The following DTYMK variants were observed in gnomAD, a reference collection of about 807,000 sequenced individuals.
DTYMK encodes deoxythymidylate kinase, also known as thymidylate kinase.
In DTYMK, 20 loss-of-function variants were observed where a neutral mutation model predicts 20.3. The observed-to-expected ratio is 0.99, with a 90% CI of 0.69 to 1.43. The LOEUF is 1.43. Among genes scored for constraint, DTYMK ranks in the 40% most tolerant of loss-of-function variants. The pLI, the probability that DTYMK is intolerant of heterozygous loss-of-function variation, is 0.00. For missense variants in DTYMK, 320 were observed against 291.1 expected (o/e 1.10, Z -0.72); for synonymous variants, 148 against 124.4 (o/e 1.19, Z -1.27).
At chr2:241,683,433 AT>A (rs555211865) in intron 2 of DTYMK, among the ~76,000 whole-genome samples, 1,820 of 149,076 alleles carry the variant, frequency 0.012, 22 homozygotes, top group African/African-American at 0.018. Flanking sequence ...ACGTTACGAG[AT>A]TTTTTTTTTT....
intron 2 of DTYMK, chr2:241,684,577 A>G (rs917997031): frequency 5.5e-5 from 20 of 365,638 alleles, no homozygotes; most frequent in South Asian, 2.7e-4. Flanking sequence ...AAGTGCAGAA[A>G]TCTGTAAGGC....
intron 2 of DTYMK, among the ~76,000 whole-genome samples, chr2:241,683,560 T>C (rs550922960): frequency 6.6e-6 from 1 of 152,170 alleles, no homozygotes; most frequent in African/African-American, 2.4e-5. Context: ...TCACAAAAAT[T>C]AATAGTCTTA....
intron 3 of DTYMK, 24 bp downstream of exon 3, chr2:241,680,205 G>A: frequency 1.2e-6 from 2 of 1,612,986 alleles, no homozygotes; most frequent in Non-Finnish European, 1.7e-6. Flanking sequence ...GTGCTCGCCT[G>A]ACAGGAGGCC....
At chr2:241,685,003 G>A (rs1360106166) in intron 2 of DTYMK, 8 of 213,068 alleles carry the variant, frequency 3.8e-5, no homozygotes, top group Middle Eastern at 1.9e-3. Flanking sequence ...CAGCCTGGGC[G>A]TGATATGGTG....
In DTYMK at chr2:241,686,790, C is replaced by T. The variant is rs754840879; in HGVS notation, c.-7G>A. 9.0e-6 allele frequency: 13 copies of T among 1,446,108 alleles called. No individual in the cohort carries two copies. The highest frequency in any genetic ancestry group is 6.3e-6 in the Non-Finnish European group (7 of 1,112,438). 89.6% of individuals were successfully genotyped at this position (1,446,108 alleles called of 1,614,324 possible). ...CCCCGCGCCGGGCCGCCATGACTGT[C>T]CACCGCCCGCCGCTGGCGTCTCCAC... On this transcript the variant is annotated 5_prime_UTR_variant, in exon 1 of 5. Coordinates refer to ENST00000305784, the MANE Select transcript of DTYMK (RefSeq NM_012145.4).
chr2:241,685,767 A>G lies in DTYMK; in HGVS notation c.239+2T>C. 1.2e-6 allele frequency: 2 copies of G among 1,613,836 alleles called. No individual in the cohort carries two copies. Among genetic ancestry groups the G allele is most frequent in the Non-Finnish European group, 1.7e-6 (2 of 1,179,720 alleles). The stretch of plus-strand genomic sequence containing the variant: ...GAGGGAGCAGTGTGCAATGGTTTTT[A>G]CACTTGTTCCCAGCGATTTGCAGAA... On this transcript the variant is annotated splice_donor_variant, in intron 2 of 4. Transcript: ENST00000305784. LOFTEE classifies it high-confidence loss of function.
intron 2 of DTYMK, chr2:241,685,228 G>C (rs970673346): frequency 6.5e-6 from 1 of 153,310 alleles, no homozygotes; most frequent in African/African-American, 2.4e-5. Context: ...GGCCAGGTAC[G>C]GTGGCTCACA....
rs1382330237 is a variant in DTYMK at position 241,686,719 on chromosome 2, T to C, written c.65A>G (p.Gln22Arg). Residue 22 changes from glutamine to arginine, a missense_variant, in exon 1 of 5, where the codon CAG becomes CGG. Physicochemically the swap from Gln to Arg is conservative, Grantham distance 43 (BLOSUM62 1). Transcript: ENST00000305784. ...EGVDRAGKST[Q>R]SRKLVEALCA... ...CAGCGCTTCCACCAGCTTGCGGCTC[T>C]GCGTGCTCTTCCCGGCGCGGTCCAC... 2 of 1,544,976 alleles carry C rather than the reference T, an allele frequency of 1.3e-6. No homozygotes were observed. Among genetic ancestry groups the C allele is most frequent in the Non-Finnish European group, 1.7e-6 (2 of 1,158,488 alleles).
Position 241,686,603 on chromosome 2 carries a change from G to A in DTYMK, c.130+51C>T. On this transcript the variant is annotated intron_variant, in intron 1 of 4. Transcript: ENST00000305784. ...ACGAAGCGGAGCAAAGAGCCCCTGG[G>A]AAGGCAGAGGCACCGAAGGCCGCGG... 3 of 1,444,670 alleles carry A rather than the reference G, an allele frequency of 2.1e-6. No individual in the cohort carries two copies. In the African/African-American group the frequency reaches 4.5e-5, roughly 21 times the overall value. The allele number at this position is 1,444,670 out of a possible 1,614,324, so 89.5% of individuals were successfully genotyped here. A position where few individuals can be genotyped will look rare whatever the true frequency, so the allele number is the denominator to read the frequency against.
chr2:241,686,627 G>T, intron 1 of DTYMK, 27 bp downstream of exon 1: 1 of 1,479,708 alleles, frequency 6.8e-7, no homozygotes, highest in East Asian at 2.6e-5. Flanking sequence ...CGAAGGCCGC[G>T]GCGCACCCCC....
At position 241,680,228 on chromosome 2, in the gene DTYMK, C is replaced by A. The variant is rs1171792814; in HGVS notation, c.330+1G>T. 2 of 1,613,986 alleles carry A rather than the reference C, an allele frequency of 1.2e-6. No individual in the cohort carries two copies. The highest frequency in any genetic ancestry group is 1.7e-5 in the Admixed American group (1 of 59,988). ...CTGACAGGAGGCCAAGTGGCACTCA[C>A]CTCCTTGGCACCGGTGAAGGCCACA... On this transcript the variant is annotated splice_donor_variant, in intron 3 of 4. Coordinates refer to ENST00000305784, the MANE Select transcript of DTYMK (RefSeq NM_012145.4). LOFTEE classifies it high-confidence loss of function.
rs980270914 is a variant in DTYMK at position 241,675,992 on chromosome 2, G to A, written c.*135C>T. The A allele has an allele frequency of 1.6e-5, 14 of 857,694 alleles. No homozygotes were observed. The African/African-American group carries it at 1.7e-4, about 11-fold the overall frequency. 53.1% of individuals were successfully genotyped at this position (857,694 alleles called of 1,614,324 possible). A position where few individuals can be genotyped will look rare whatever the true frequency, so the allele number is the denominator to read the frequency against. On this transcript the variant is annotated 3_prime_UTR_variant, in exon 5 of 5. Transcript: ENST00000305784. ...CCCCAGCTCCGGGGCAGAAGAGGCA[G>A]CCTGCAGATCTCTGCTGCCGGGAAA...
rs201737790 is a variant in DTYMK, at chr2:241,677,913, C to T, written c.528+539G>A. ...GGGGCTGAGGATGTGGAGGATTGCG[C>T]AGACTCTCACCTGACCCACCAGACA... On this transcript the variant is annotated intron_variant, in intron 4 of 4. Transcript: ENST00000305784. 7.2e-5 allele frequency among the ~76,000 whole-genome samples: 11 copies of T among 152,226 alleles called. No homozygotes were observed. In the East Asian group the frequency reaches 1.7e-3, roughly 24 times the overall value.
chr2:241,685,597 G>A (rs1289714400), intron 2 of DTYMK, 172 bp downstream of exon 2: 7 of 595,716 alleles, frequency 1.2e-5, no homozygotes, highest in Admixed American at 9.0e-5. Context: ...ATTCATTAGC[G>A]CCCTTTGGGA....
chr2:241,676,298 G>C (rs1051799262), intron 4 of DTYMK, 61 bp from the exon 5 acceptor site: 2 of 1,486,280 alleles, frequency 1.3e-6, no homozygotes, highest in East Asian at 4.9e-5. Flanking sequence ...GGCTGGTCAC[G>C]GGAGCCCACG....
In DTYMK at chr2:241,675,987, A is replaced by G. The variant is rs1254610266; in HGVS notation, c.*140T>C. On this transcript the variant is annotated 3_prime_UTR_variant, in exon 5 of 5. Transcript: ENST00000305784. ...GTGCACCCCAGCTCCGGGGCAGAAGAGGCAGCCTGCAGATCTCTGCTGCCG... is the reference window on the plus strand; with the variant it reads ...GTGCACCCCAGCTCCGGGGCAGAAGGGGCAGCCTGCAGATCTCTGCTGCCG... 10 of 816,466 alleles carry G rather than the reference A, an allele frequency of 1.2e-5. No homozygotes were observed. The highest frequency in any genetic ancestry group is 1.8e-5 in the Non-Finnish European group (10 of 547,766). The allele number at this position is 816,466 out of a possible 1,614,324, so 50.6% of individuals were successfully genotyped here.
rs762971148 is a variant in DTYMK, at chr2:241,678,663, A to G, written c.331-14T>C. 9 of 1,613,734 alleles carry G rather than the reference A, an allele frequency of 5.6e-6. No individual in the cohort carries two copies. The South Asian group carries it at 9.9e-5, about 18-fold the overall frequency. On this transcript the variant is annotated splice_polypyrimidine_tract_variant and intron_variant, in intron 3 of 4. Transcript: ENST00000305784. ...TAGGGAAAAATTCTGCCAAGAAAGA[A>G]CCCAACAGTTAAAGCTTAGTGTAGT...
intron 2 of DTYMK, among the ~76,000 whole-genome samples, chr2:241,681,516 C>G (rs1308036269): frequency 6.6e-6 from 1 of 151,938 alleles, no homozygotes; most frequent in African/African-American, 2.4e-5. Context: ...ATAGTGAGAC[C>G]CCGTTCTCCA....
In DTYMK at chr2:241,675,881, AGGACAGG is replaced by A. The variant is rs2069100155; in HGVS notation, c.*239_*245del. ...TAAGAAAATACAACAGAGTGCCATC[AGGACAGG>A]GGAGAGGGCAGGAGACTGCTCCATC... On this transcript the variant is annotated 3_prime_UTR_variant, in exon 5 of 5. Transcript: ENST00000305784. The A allele has an allele frequency of 2.6e-6, 1 of 384,238 alleles. No individual in the cohort carries two copies. The highest frequency in any genetic ancestry group is 2.1e-5 in the African/African-American group (1 of 47,794). The allele number at this position is 384,238 out of a possible 1,614,324, so 23.8% of individuals were successfully genotyped here.
Sources: gnomAD v4.1 joint callset for allele counts (sites outside exome capture counted in the v4.1 genomes callset) on GRCh38, gnomAD v4.1.1 for gene constraint, MANE v1.5 for transcripts, NCBI Gene and HGNC (gene_info 2026-07-23, HGNC 2026-07-21) for gene names.